FOXJ3: variants seen among roughly 807,000 people sequenced by gnomAD.
The protein encoded by FOXJ3 is forkhead box protein J3.
Under a neutral mutation model 76.1 loss-of-function variants are expected in FOXJ3, and 22 were observed. The observed-to-expected ratio is 0.29, with a 90% CI of 0.21 to 0.41. The LOEUF (loss-of-function observed/expected upper bound fraction) is 0.41, where lower values mean the gene tolerates loss of function less well. FOXJ3 is among the 10% of genes least tolerant of loss of function. The pLI, the probability that FOXJ3 is intolerant of heterozygous loss-of-function variation, is 1.00. For synonymous variants in FOXJ3, 269 were observed against 261.2 expected (o/e 1.03, Z -0.29); for missense variants, 613 against 762.1 (o/e 0.80, Z 2.30).
At chr1:42,226,997 T>C (rs1647623730) in intron 5 of FOXJ3, among the ~76,000 whole-genome samples, 1 of 152,268 alleles carries the variant, frequency 6.6e-6, no homozygotes, top group South Asian at 2.1e-4. Context: ...CTAGTATCTA[T>C]TATAAGCTGT....
At chr1:42,313,577 T>C (rs1315183694) in intron 1 of FOXJ3, among the ~76,000 whole-genome samples, 1 of 152,154 alleles carries the variant, frequency 6.6e-6, no homozygotes, top group Non-Finnish European at 1.5e-5. Context: ...AAACATCAGT[T>C]AGCACAATAA....
chr1:42,268,163 T>G (rs1035745209), intron 3 of FOXJ3, among the ~76,000 whole-genome samples: 2 of 151,792 alleles, frequency 1.3e-5, no homozygotes, highest in African/African-American at 4.8e-5. Context: ...CCATATTAAT[T>G]ACAGTGAAAG....
chr1:42,201,010 G>A (rs1191024967), intron 6 of FOXJ3, among the ~76,000 whole-genome samples: 1 of 152,116 alleles, frequency 6.6e-6, no homozygotes, highest in Non-Finnish European at 1.5e-5. Context: ...GTTCTGTGTA[G>A]AGTTCATCTT....
chr1:42,250,492 C>T (rs1649936627), intron 4 of FOXJ3, among the ~76,000 whole-genome samples: 1 of 152,072 alleles, frequency 6.6e-6, no homozygotes, highest in Non-Finnish European at 1.5e-5. Flanking sequence ...TGCTTGAATC[C>T]ATTTCACCAA....
intron 5 of FOXJ3, among the ~76,000 whole-genome samples, chr1:42,215,482 C>G (rs1647047075): frequency 6.6e-6 from 1 of 151,846 alleles, no homozygotes; most frequent in African/African-American, 2.4e-5. Flanking sequence ...GGGACAATCT[C>G]AAAAGGTCTA....
rs376296215 is a variant in FOXJ3 at position 42,179,774 on chromosome 1, T to C, written c.1805A>G (p.Gln602Arg). 1 of 1,613,968 alleles carries C rather than the reference T, an allele frequency of 6.2e-7. No homozygotes were observed. The highest frequency in any genetic ancestry group is 8.5e-7 in the Non-Finnish European group (1 of 1,179,980). ...QQHMMPSQAF[Q>R]MRRSLPPDDI... Reference sequence around the variant, plus strand: ...ATCTGGAGGCAGGGAACGCCGCATCTGGAAGGCTTGGGAAGGCATCATGTG... The same window carrying C: ...ATCTGGAGGCAGGGAACGCCGCATCCGGAAGGCTTGGGAAGGCATCATGTG... The change falls in exon 13 of 13, where the codon CAG becomes CGG. Residue 602 changes from glutamine (Q) to arginine (R), a missense_variant. Physicochemically the swap from Gln to Arg is conservative, Grantham distance 43. Transcript: ENST00000361346.
intron 1 of FOXJ3, among the ~76,000 whole-genome samples, chr1:42,333,637 T>A (rs1188946012): frequency 6.6e-6 from 1 of 152,150 alleles, no homozygotes; most frequent in Non-Finnish European, 1.5e-5. Flanking sequence ...AGGAATAGGC[T>A]TCTCTCACTG....
intron 1 of FOXJ3, among the ~76,000 whole-genome samples, chr1:42,319,833 C>T (rs1258153989): frequency 6.6e-6 from 1 of 152,156 alleles, no homozygotes; most frequent in Non-Finnish European, 1.5e-5. Context: ...ACTATCTCAC[C>T]AGAAAACAAC....
At chr1:42,324,038 C>G (rs905177272) in intron 1 of FOXJ3, among the ~76,000 whole-genome samples, 21 of 26,182 alleles carry the variant, frequency 8.0e-4, no homozygotes, top group South Asian at 2.5e-3. Context: ...TATATACACA[C>G]TATATATAGT....
In FOXJ3 at chr1:42,291,681, A is replaced by G. The variant is rs539696228; in HGVS notation, c.45-13009T>C. Among the ~76,000 whole-genome samples, 39 of 152,126 alleles carry G rather than the reference A, an allele frequency of 2.6e-4. No individual in the cohort carries two copies. In the Middle Eastern group the frequency reaches 0.021, roughly 80 times the overall value. On this transcript the variant is annotated intron_variant, in intron 2 of 12. Transcript: ENST00000361346. ...TTTTTGTTTTTGTTTTTGTTTCATC[A>G]AGGCAGGAAGATCGCCGGAGCCCAG...
chr1:42,255,454 A>G (rs2124591058), intron 4 of FOXJ3, among the ~76,000 whole-genome samples: 1 of 152,344 alleles, frequency 6.6e-6, no homozygotes, highest in African/African-American at 2.4e-5. Context: ...AAATAAAGCA[A>G]CGTTAAGAAC....
At chr1:42,334,660 G>A (rs746025390) in intron 1 of FOXJ3, among the ~76,000 whole-genome samples, 3 of 152,340 alleles carry the variant, frequency 2.0e-5, no homozygotes, top group Admixed American at 6.5e-5. Flanking sequence ...AAGCCGCAGA[G>A]TGCCGGGGTC....
At chr1:42,185,470 C>A (rs193012354) in intron 11 of FOXJ3, among the ~76,000 whole-genome samples, 1 of 151,724 alleles carries the variant, frequency 6.6e-6, no homozygotes, top group Admixed American at 6.6e-5. Context: ...CCATGTTAAC[C>A]AAGGTGGTCT....
rs555476878 is a variant in FOXJ3, at chr1:42,221,556, C to G, written c.528+6327G>C. Among the ~76,000 whole-genome samples the G allele has an allele frequency of 9.2e-5, 14 of 152,034 alleles. 2 individuals are homozygous for G. The highest frequency in any genetic ancestry group is 7.9e-4 in the Admixed American group (12 of 15,276). ...CTGCAACCTCAAACTCCTGGGCTCACGCAATCCTCTGGCCTCAGCCTCCCC... is the reference window on the plus strand; with the variant it reads ...CTGCAACCTCAAACTCCTGGGCTCAGGCAATCCTCTGGCCTCAGCCTCCCC... On this transcript the variant is annotated intron_variant, in intron 5 of 12. Coordinates refer to ENST00000361346, the MANE Select transcript of FOXJ3 (RefSeq NM_014947.5).
At position 42,180,731 on chromosome 1, in the gene FOXJ3, A is replaced by G. The variant is rs115619891; in HGVS notation, c.1754-906T>C. Among the ~76,000 whole-genome samples, 583 of 152,340 alleles carry G rather than the reference A, an allele frequency of 3.8e-3. 1 individual carries two copies. The highest frequency in any genetic ancestry group is 8.6e-3 in the African/African-American group (357 of 41,574). ...AAATGCCTCCATTTAAAAAAAACTTATAAGTTCCTTAATGTGGGTCAGGCA... is the reference window on the plus strand; with the variant it reads ...AAATGCCTCCATTTAAAAAAAACTTGTAAGTTCCTTAATGTGGGTCAGGCA... On this transcript the variant is annotated intron_variant, in intron 12 of 12. Coordinates refer to ENST00000361346, the MANE Select transcript of FOXJ3 (RefSeq NM_014947.5).
chr1:42,281,560 AAAC>A (rs1420908513), intron 2 of FOXJ3, among the ~76,000 whole-genome samples: 1 of 152,346 alleles, frequency 6.6e-6, no homozygotes, highest in East Asian at 1.9e-4. Context: ...TACACTATAA[AAAC>A]ATCTCAAATT....
chr1:42,281,301 C>T (rs140809536), intron 2 of FOXJ3, among the ~76,000 whole-genome samples: 1 of 152,270 alleles, frequency 6.6e-6, no homozygotes, highest in African/African-American at 2.4e-5. Context: ...TAAAAGTACA[C>T]AGCTGAGCTG....
upstream of FOXJ3, chr1:42,335,652 C>T (rs543915935): frequency 2.0e-5 from 3 of 152,216 alleles, no homozygotes; most frequent in African/African-American, 7.2e-5. Flanking sequence ...TTAGCCTCCT[C>T]TCCAGGAAAG....
At chr1:42,257,287 C>G (rs1460656739) in intron 4 of FOXJ3, among the ~76,000 whole-genome samples, 2 of 152,158 alleles carry the variant, frequency 1.3e-5, no homozygotes, top group African/African-American at 4.8e-5. Flanking sequence ...TACCCTAAAA[C>G]AGAAGTTAAT....
Sources: gnomAD v4.1 joint callset for allele counts (sites outside exome capture counted in the v4.1 genomes callset) on GRCh38, gnomAD v4.1.1 for gene constraint, MANE v1.5 for transcripts, NCBI Gene and HGNC (gene_info 2026-07-23, HGNC 2026-07-21) for gene names.